GALNT12: variants seen among roughly 807,000 people sequenced by gnomAD.
GALNT12 encodes the protein polypeptide N-acetylgalactosaminyltransferase 12, also known as UDP-GalNAc:polypeptide N-acetylgalactosaminyltransferase 12.
Under a neutral mutation model 55.5 loss-of-function variants are expected in GALNT12, and 45 were observed. The observed-to-expected ratio is 0.81, with a 90% confidence interval of 0.64 to 1.04. The LOEUF is 1.04. Among genes scored for constraint, GALNT12 ranks in the 50% least tolerant of loss-of-function variants. The probability of loss-of-function intolerance (pLI) is 0.00; values close to 1 mark genes in which losing one functional copy is unlikely to be tolerated. For missense variants in GALNT12, 709 were observed against 754.8 expected, an observed-to-expected ratio of 0.94 and a Z score of 0.71; for synonymous variants, 304 against 312.2, an observed-to-expected ratio of 0.97 and a Z score of 0.28.
intron 1 of GALNT12, among the ~76,000 whole-genome samples, chr9:98,814,324 C>T (rs189832139): frequency 2.6e-5 from 4 of 152,272 alleles, no homozygotes; most frequent in African/African-American, 9.6e-5. Flanking sequence ...CAAAAATGTA[C>T]ATCACGATCT....
chr9:98,833,716 G>A (rs1588451319), intron 4 of GALNT12, among the ~76,000 whole-genome samples: 1 of 152,130 alleles, frequency 6.6e-6, no homozygotes, highest in East Asian at 1.9e-4. Context: ...AGCCCTTAGT[G>A]AGAACATCCT....
Position 98,823,310 on chromosome 9 carries a change from A to T in GALNT12, c.426A>T (p.Ile142=). ...YDNLPRTSVI[I]AFYNEAWSTL... Reference sequence around the variant, plus strand: ...ATTTGCCCAGGACATCTGTTATCATAGCATTTTATAATGAAGCCTGGTCAA... The same window carrying T: ...ATTTGCCCAGGACATCTGTTATCATTGCATTTTATAATGAAGCCTGGTCAA... The change falls in exon 2 of 10, where the codon ATA becomes ATT. Residue 142 remains isoleucine, a synonymous_variant. Coordinates refer to ENST00000375011, the MANE Select transcript of GALNT12 (RefSeq NM_024642.5). The T allele has an allele frequency of 6.2e-7, 1 of 1,614,102 alleles. No homozygotes were observed.
In GALNT12 at chr9:98,808,570, G is replaced by A. The variant is rs192290217; in HGVS notation, c.371+501G>A. 8.2e-4 allele frequency among the ~76,000 whole-genome samples: 125 copies of A among 152,304 alleles called. 4 individuals are homozygous for A. The East Asian group carries it at 0.023, about 28-fold the overall frequency. Reference sequence around the variant, plus strand: ...TGGCTGTAAGGCCCCCTCAGCGCTAGAAAGCCTCCTTGTGCTCTCCCTGGG... The same window carrying A: ...TGGCTGTAAGGCCCCCTCAGCGCTAAAAAGCCTCCTTGTGCTCTCCCTGGG... On this transcript the variant is annotated intron_variant, in intron 1 of 9. Coordinates refer to ENST00000375011, the MANE Select transcript of GALNT12 (RefSeq NM_024642.5).
At chr9:98,837,198 G>A (rs765471462) in intron 6 of GALNT12, 50 bp downstream of exon 6, 143 of 1,581,002 alleles carry the variant, frequency 9.0e-5, no homozygotes, top group Non-Finnish European at 1.2e-4. Context: ...CTGAACAACA[G>A]CAGCTAATCG....
intron 9 of GALNT12, 90 bp downstream of exon 9, chr9:98,846,213 G>C: frequency 2.6e-6 from 4 of 1,520,788 alleles, no homozygotes; most frequent in Non-Finnish European, 3.6e-6. Flanking sequence ...GCATAGTCCT[G>C]GTGAGGATCA....
At chr9:98,846,292 C>A (rs985503031) in intron 9 of GALNT12, among the ~76,000 whole-genome samples, 169 bp downstream of exon 9, 1 of 152,158 alleles carries the variant, frequency 6.6e-6, no homozygotes, top group South Asian at 2.1e-4. Flanking sequence ...GCCTGGGGGG[C>A]GGTGATGGCA....
intron 8 of GALNT12, among the ~76,000 whole-genome samples, chr9:98,845,377 C>G (rs1246093063): frequency 6.6e-6 from 1 of 152,108 alleles, no homozygotes; most frequent in Non-Finnish European, 1.5e-5. Context: ...GGCCCCACCT[C>G]ACACATAAGG....
At position 98,807,782 on chromosome 9, in the gene GALNT12, G is replaced by A. The variant is rs1588436093; in HGVS notation, c.84G>A (p.Leu28=). ...CGCTGTTGGTGCTCCTGGCGCTACTGGCGTTGGCCGGGCTGGGCTCGGTGC... is the reference window on the plus strand; with the variant it reads ...CGCTGTTGGTGCTCCTGGCGCTACTAGCGTTGGCCGGGCTGGGCTCGGTGC... ...REALLVLLAL[L]ALAGLGSVLR... Residue 28 remains leucine, a synonymous_variant, in exon 1 of 10, where the codon CTG becomes CTA. Coordinates refer to ENST00000375011, the MANE Select transcript of GALNT12 (RefSeq NM_024642.5). 8.7e-7 allele frequency: 1 copy of A among 1,144,634 alleles called. No individual in the cohort carries two copies. The highest frequency in any genetic ancestry group is 1.1e-6 in the Non-Finnish European group (1 of 930,448). 70.9% of individuals were successfully genotyped at this position (1,144,634 alleles called of 1,614,324 possible). A position where few individuals can be genotyped will look rare whatever the true frequency, so the allele number is the denominator to read the frequency against.
intron 3 of GALNT12, among the ~76,000 whole-genome samples, chr9:98,827,661 G>A (rs1035489386): frequency 2.0e-5 from 3 of 152,052 alleles, no homozygotes; most frequent in Non-Finnish European, 4.4e-5. Context: ...CCATGAAACT[G>A]GAAGGAACCC....
At position 98,849,082 on chromosome 9, in the gene GALNT12, G is replaced by T. The variant is rs367620732; in HGVS notation, c.1736G>T (p.Arg579Leu). 1 of 1,614,142 alleles carries T rather than the reference G, an allele frequency of 6.2e-7. No homozygotes were observed. ...CATCAGAAATGGTTCTTCAAAGAGC[G>T]CATGTTATGAAGCCTCGTGTATCAA... ...SDHQKWFFKE[R>L]ML is the part of the protein sequence containing the mutation. The change falls in exon 10 of 10, where the codon CGC becomes CTC. Residue 579 changes from arginine to leucine, a missense_variant. Physicochemically the swap from Arg to Leu is moderately radical, Grantham distance 102 (BLOSUM62 -2). Around this residue, in one of 5 missense-constraint regions of GALNT12, gnomAD observed 262 missense variants for 310.7 expected, o/e 0.84. Coordinates refer to ENST00000375011, the MANE Select transcript of GALNT12 (RefSeq NM_024642.5).
chr9:98,831,280 T>C (rs1413704320), intron 3 of GALNT12, among the ~76,000 whole-genome samples: 1 of 152,200 alleles, frequency 6.6e-6, no homozygotes, highest in Admixed American at 6.5e-5. Context: ...ATATTATAAT[T>C]CCAGTGTTAC....
At chr9:98,811,909 C>T (rs1835505030) in intron 1 of GALNT12, among the ~76,000 whole-genome samples, 1 of 152,140 alleles carries the variant, frequency 6.6e-6, no homozygotes, top group African/African-American at 2.4e-5. Context: ...TCTCAGACTC[C>T]TGACCTCAGG....
At chr9:98,843,429 CAG>C (rs1251009040) in intron 7 of GALNT12, among the ~76,000 whole-genome samples, 1 of 150,332 alleles carries the variant, frequency 6.7e-6, no homozygotes, top group Non-Finnish European at 1.5e-5. Context: ...GTGGGGAGGA[CAG>C]AGTCTTGCCT....
intron 7 of GALNT12, among the ~76,000 whole-genome samples, chr9:98,841,128 G>T (rs151326964): frequency 6.6e-6 from 1 of 152,234 alleles, no homozygotes; most frequent in East Asian, 1.9e-4. Context: ...TTAATCTAAG[G>T]CAGCCCTCTT....
chr9:98,839,970 C>T (rs1242713428), intron 6 of GALNT12, 32 bp from the exon 7 acceptor site: 1 of 1,613,706 alleles, frequency 6.2e-7, no homozygotes, highest in Non-Finnish European at 8.5e-7. Flanking sequence ...CACTAGGACC[C>T]ATGGGGTCTC....
rs1283004249 is a variant in GALNT12 at position 98,821,292 on chromosome 9, G to A, written c.372-1964G>A. On this transcript the variant is annotated intron_variant, in intron 1 of 9. Transcript: ENST00000375011. ...CTGAAAGTGCTGGGATTACAGGCATGAGCCATCATGCCCGGCCCTGTTCTG... is the reference window on the plus strand; with the variant it reads ...CTGAAAGTGCTGGGATTACAGGCATAAGCCATCATGCCCGGCCCTGTTCTG... 2.0e-5 allele frequency among the ~76,000 whole-genome samples: 3 copies of A among 152,124 alleles called. No homozygotes were observed. In the East Asian group the frequency reaches 5.8e-4, roughly 30 times the overall value.
At position 98,833,268 on chromosome 9, in the gene GALNT12, C is replaced by T. The variant is rs114128217; in HGVS notation, c.917+1311C>T. Reference sequence around the variant, plus strand: ...TCAGCCTCACCGCTGGTGTGTTGAACCGGAAGTAGGCTCTGAGTTTTGCGT... The same window carrying T: ...TCAGCCTCACCGCTGGTGTGTTGAATCGGAAGTAGGCTCTGAGTTTTGCGT... On this transcript the variant is annotated intron_variant, in intron 4 of 9. Transcript: ENST00000375011. Among the ~76,000 whole-genome samples the T allele has an allele frequency of 9.9e-3, 1,502 of 152,272 alleles. 31 individuals are homozygous for T. The highest frequency in any genetic ancestry group is 0.035 in the African/African-American group (1,437 of 41,546).
intron 9 of GALNT12, 22 bp from the exon 10 acceptor site, chr9:98,848,930 G>C: frequency 6.2e-7 from 1 of 1,614,126 alleles, no homozygotes; most frequent in South Asian, 1.1e-5. Flanking sequence ...TGACTTGCCT[G>C]TCATTCTGTT....
Position 98,840,042 on chromosome 9 carries a change from A to G in GALNT12, c.1253A>G (p.Asp418Gly). Residue 418 changes from aspartate (D) to glycine (G), a missense_variant, in exon 7 of 10, where the codon GAC becomes GGC. Transcript: ENST00000375011. ...GDVTERKQLRDKLQCKDFKWF... is the reference protein window; with the variant it reads ...GDVTERKQLRGKLQCKDFKWF... The stretch of plus-strand genomic sequence containing the variant: ...GTGACAGAGAGGAAGCAGCTCCGGG[A>G]CAAGCTCCAGTGTAAAGACTTCAAG... 1 of 1,614,184 alleles carries G rather than the reference A, an allele frequency of 6.2e-7. No homozygotes were observed. Among genetic ancestry groups the G allele is most frequent in the African/African-American group, 1.3e-5 (1 of 75,046 alleles).
Sources: allele counts gnomAD v4.1 joint callset (sites outside exome capture counted in the v4.1 genomes callset), GRCh38; gene constraint gnomAD v4.1.1; regional missense constraint gnomAD v4.1.1; transcripts MANE v1.5; gene names NCBI Gene and HGNC (gene_info 2026-07-23, HGNC 2026-07-21).